CTNND2: variants seen among roughly 807,000 people sequenced by gnomAD.
CTNND2 encodes catenin delta 2, also known as catenin delta-2.
Under a neutral mutation model 144.4 loss-of-function variants are expected in CTNND2, and 22 were observed. The observed-to-expected ratio is 0.15, with a 90% confidence interval of 0.11 to 0.22. The LOEUF (loss-of-function observed/expected upper bound fraction) is 0.22, where lower values mean the gene tolerates loss of function less well. Ranked by LOEUF, CTNND2 falls within the 10% of genes least tolerant of loss-of-function variation. The probability of loss-of-function intolerance (pLI) is 1.00; values close to 1 mark genes in which losing one functional copy is unlikely to be tolerated. For synonymous variants in CTNND2, 751 were observed against 695.6 expected (o/e 1.08, Z -1.25); for missense variants, 1,353 against 1,618.8 (o/e 0.84, Z 2.82).
intron 1 of CTNND2, among the ~76,000 whole-genome samples, chr5:11,803,340 A>ATGCACAAGAG (rs1368207734): frequency 2.1e-5 from 3 of 144,172 alleles, no homozygotes; most frequent in Non-Finnish European, 4.6e-5. Context: ...AAAAAAAAAT[A>ATGCACAAGAG]TGCACAAGAG....
intron 1 of CTNND2, among the ~76,000 whole-genome samples, chr5:11,891,639 A>G (rs886345851): frequency 2.0e-5 from 3 of 152,210 alleles, no homozygotes; most frequent in Non-Finnish European, 2.9e-5. Flanking sequence ...CCATGTGAGG[A>G]AAGAGCAGGA....
At chr5:11,720,617 A>G (rs1224315822) in intron 2 of CTNND2, among the ~76,000 whole-genome samples, 1 of 152,162 alleles carries the variant, frequency 6.6e-6, no homozygotes, top group Non-Finnish European at 1.5e-5. Context: ...CTTGGTTTCT[A>G]TATTCTTCAC....
chr5:11,881,439 C>T (rs1168586648), intron 1 of CTNND2, among the ~76,000 whole-genome samples: 1 of 152,082 alleles, frequency 6.6e-6, no homozygotes, highest in African/African-American at 2.4e-5. Context: ...TCCCTCCCCA[C>T]TATCCTTCTC....
At position 11,399,977 on chromosome 5, in the gene CTNND2, C is replaced by T. The variant is rs1170845058; in HGVS notation, c.440-2774G>A. Among the ~76,000 whole-genome samples, 3 of 152,178 alleles carry T rather than the reference C, an allele frequency of 2.0e-5. No homozygotes were observed. In the East Asian group the frequency reaches 5.8e-4, roughly 29 times the overall value. ...AACACGTTAAAATTTTAGGACAATT[C>T]TTAACTACTTTATAATGAAAGTACA... On this transcript the variant is annotated intron_variant, in intron 5 of 21. Coordinates refer to ENST00000304623, the MANE Select transcript of CTNND2 (RefSeq NM_001332.4).
intron 9 of CTNND2, among the ~76,000 whole-genome samples, chr5:11,304,026 G>C (rs750011495): frequency 2.0e-5 from 3 of 152,064 alleles, no homozygotes; most frequent in Non-Finnish European, 2.9e-5. Flanking sequence ...CCATGTAAGA[G>C]GTGGCTTTCA....
chr5:11,827,402 C>A (rs980772265), intron 1 of CTNND2, among the ~76,000 whole-genome samples: 3 of 151,980 alleles, frequency 2.0e-5, no homozygotes, highest in Non-Finnish European at 4.4e-5. Flanking sequence ...AAACTTCTAC[C>A]CTTAATAAGA....
intron 1 of CTNND2, among the ~76,000 whole-genome samples, chr5:11,831,925 T>C (rs1419049438): frequency 6.6e-6 from 1 of 152,096 alleles, no homozygotes; most frequent in Admixed American, 6.6e-5. Flanking sequence ...TAGGCAAAGA[T>C]TTCATATATA....
At chr5:11,811,121 C>T (rs1792308180) in intron 1 of CTNND2, among the ~76,000 whole-genome samples, 1 of 152,164 alleles carries the variant, frequency 6.6e-6, no homozygotes, top group Admixed American at 6.5e-5. Flanking sequence ...GAACCAGTCA[C>T]TCAGGGTCTG....
At chr5:11,525,477 A>T (rs994374151) in intron 3 of CTNND2, among the ~76,000 whole-genome samples, 2 of 152,168 alleles carry the variant, frequency 1.3e-5, no homozygotes, top group Non-Finnish European at 2.9e-5. Context: ...TTTGATTCAG[A>T]TCTCAGCCTT....
chr5:11,643,802 A>G, intron 2 of CTNND2, among the ~76,000 whole-genome samples: 1 of 151,406 alleles, frequency 6.6e-6, no homozygotes. Flanking sequence ...AAAAAATGTT[A>G]CATCATTACT....
intron 19 of CTNND2, among the ~76,000 whole-genome samples, chr5:10,990,237 C>G (rs947386066): frequency 2.0e-5 from 3 of 152,310 alleles, no homozygotes; most frequent in African/African-American, 7.2e-5. Context: ...AGGACAAAGG[C>G]TGGGACTTGG....
intron 18 of CTNND2, among the ~76,000 whole-genome samples, chr5:11,004,724 T>C (rs979126687): frequency 3.2e-4 from 45 of 142,680 alleles, no homozygotes; most frequent in African/African-American, 1.2e-3. Flanking sequence ...GCTGAGATCA[T>C]GCCATTACAC....
At chr5:11,146,506 A>C (rs1757258436) in intron 12 of CTNND2, among the ~76,000 whole-genome samples, 1 of 152,220 alleles carries the variant, frequency 6.6e-6, no homozygotes, top group Non-Finnish European at 1.5e-5. Flanking sequence ...TCTTATTTAA[A>C]ATTGGAAAAA....
intron 3 of CTNND2, among the ~76,000 whole-genome samples, chr5:11,483,236 C>T (rs1048584625): frequency 6.6e-6 from 1 of 152,098 alleles, no homozygotes; most frequent in African/African-American, 2.4e-5. Flanking sequence ...AAAGATAATA[C>T]CTGATTTTCA....
intron 3 of CTNND2, among the ~76,000 whole-genome samples, chr5:11,448,104 C>G (rs1430713677): frequency 6.6e-6 from 1 of 152,138 alleles, no homozygotes; most frequent in Non-Finnish European, 1.5e-5. Flanking sequence ...TGTGCAGATT[C>G]ACACATTTGT....
intron 1 of CTNND2, among the ~76,000 whole-genome samples, chr5:11,847,128 T>TTTTA (rs1279618168): frequency 5.5e-4 from 40 of 72,404 alleles, no homozygotes; most frequent in East Asian, 5.2e-3. Flanking sequence ...GTCAAAGATT[T>TTTTA]TATATATATA....
At chr5:11,536,097 T>C (rs1016839079) in intron 3 of CTNND2, among the ~76,000 whole-genome samples, 2 of 152,214 alleles carry the variant, frequency 1.3e-5, no homozygotes, top group African/African-American at 4.8e-5. Context: ...AAATTCTCAC[T>C]CTGTCACCCA....
At chr5:11,598,039 A>C (rs1779606618) in intron 2 of CTNND2, among the ~76,000 whole-genome samples, 1 of 152,146 alleles carries the variant, frequency 6.6e-6, no homozygotes, top group African/African-American at 2.4e-5. Flanking sequence ...GTTGTATCCA[A>C]AAAGCAGTTT....
intron 12 of CTNND2, among the ~76,000 whole-genome samples, chr5:11,138,113 C>G (rs1037627717): frequency 4.6e-5 from 7 of 152,204 alleles, no homozygotes; most frequent in Non-Finnish European, 1.0e-4. Flanking sequence ...TGGTTGTCAG[C>G]TGAGGATCTT....
Sources: gnomAD v4.1 joint callset for allele counts (sites outside exome capture counted in the v4.1 genomes callset) on GRCh38, gnomAD v4.1.1 for gene constraint, MANE v1.5 for transcripts, NCBI Gene and HGNC (gene_info 2026-07-23, HGNC 2026-07-21) for gene names.